HHAT: variants seen among roughly 807,000 people sequenced by gnomAD.
HHAT encodes hedgehog acyltransferase, also known as protein-cysteine N-palmitoyltransferase HHAT.
A neutral mutation model predicts 70.8 loss-of-function variants in HHAT; 47 were observed. The observed-to-expected ratio is 0.66, with a 90% CI of 0.53 to 0.85. HHAT has a LOEUF of 0.85. HHAT is among the 40% of genes least tolerant of loss of function. The pLI is 0.00. For synonymous variants in HHAT, 228 were observed against 247.6 expected (o/e 0.92, Z 0.74); for missense variants, 609 against 604.8 (o/e 1.01, Z -0.07).
rs567330115 is a variant in HHAT, at chr1:210,642,223, G to A, written c.1390+18553G>A. Among the ~76,000 whole-genome samples the A allele has an allele frequency of 3.9e-5, 6 of 152,324 alleles. No homozygotes were observed. The South Asian group carries it at 1.2e-3, about 32-fold the overall frequency. On this transcript the variant is annotated intron_variant, in intron 11 of 11. Transcript: ENST00000261458. ...TGTTTGAAAGATTTATCATTGTTAT[G>A]TATAGCAATAGTTCATTCATTTTCA...
At chr1:210,331,251 G>C (rs1363387335) in intron 1 of HHAT, among the ~76,000 whole-genome samples, 1 of 152,018 alleles carries the variant, frequency 6.6e-6, no homozygotes, top group African/African-American at 2.4e-5. Flanking sequence ...GTCCCATCTG[G>C]GGGGGTGTGT....
chr1:210,620,510 A>T (rs1394314853), intron 10 of HHAT, among the ~76,000 whole-genome samples: 1 of 151,760 alleles, frequency 6.6e-6, no homozygotes, highest in Non-Finnish European at 1.5e-5. Flanking sequence ...CTTTTTCCCC[A>T]CTGTTTCACT....
intron 11 of HHAT, among the ~76,000 whole-genome samples, chr1:210,648,483 T>C (rs1477361453): frequency 6.6e-6 from 1 of 152,190 alleles, no homozygotes; most frequent in Non-Finnish European, 1.5e-5. Flanking sequence ...CAAGGTTCTT[T>C]CCGTCTTTGC....
chr1:210,633,416 G>C (rs974313185), intron 11 of HHAT, among the ~76,000 whole-genome samples: 1 of 152,192 alleles, frequency 6.6e-6, no homozygotes, highest in Admixed American at 6.5e-5. Context: ...GAGGGCCCTG[G>C]GAGGTGAGAA....
At chr1:210,450,828 G>C (rs559197607) in intron 7 of HHAT, among the ~76,000 whole-genome samples, 1 of 152,152 alleles carries the variant, frequency 6.6e-6, no homozygotes, top group East Asian at 1.9e-4. Context: ...ATGGGATAGG[G>C]TGGTGTTAAG....
chr1:210,471,356 T>C (rs2094201199), intron 8 of HHAT, among the ~76,000 whole-genome samples: 1 of 152,104 alleles, frequency 6.6e-6, no homozygotes, highest in Non-Finnish European at 1.5e-5. Context: ...TGTTTGCCTT[T>C]CTTACTTTAT....
intron 11 of HHAT, among the ~76,000 whole-genome samples, chr1:210,645,576 C>G (rs574475545): frequency 6.6e-6 from 1 of 152,280 alleles, no homozygotes; most frequent in South Asian, 2.1e-4. Flanking sequence ...AGTTGATATA[C>G]CTGTGCAGTT....
intron 8 of HHAT, among the ~76,000 whole-genome samples, chr1:210,506,275 A>G (rs1001338904): frequency 6.6e-6 from 1 of 152,162 alleles, no homozygotes; most frequent in Non-Finnish European, 1.5e-5. Context: ...GCTAATGGTA[A>G]TCAGACAGGA....
At chr1:210,392,437 T>C (rs932900338) in intron 4 of HHAT, among the ~76,000 whole-genome samples, 5 of 152,154 alleles carry the variant, frequency 3.3e-5, no homozygotes, top group Non-Finnish European at 5.9e-5. Context: ...ATAATTTTTT[T>C]CCCTGATCAT....
chr1:210,349,152 G>A, intron 2 of HHAT, 86 bp downstream of exon 2: 1 of 1,377,850 alleles, frequency 7.3e-7, no homozygotes, highest in South Asian at 1.3e-5. Flanking sequence ...TCAAGAAGAT[G>A]ATCCAATAGT....
At chr1:210,422,003 A>G (rs575075050) in intron 7 of HHAT, among the ~76,000 whole-genome samples, 1 of 152,178 alleles carries the variant, frequency 6.6e-6, no homozygotes, top group Non-Finnish European at 1.5e-5. Context: ...TGGGTCTTTC[A>G]AAAATAATTA....
At chr1:210,542,144 T>C (rs2095436603) in intron 9 of HHAT, among the ~76,000 whole-genome samples, 1 of 152,220 alleles carries the variant, frequency 6.6e-6, no homozygotes, top group African/African-American at 2.4e-5. Flanking sequence ...TGTTTCAAGA[T>C]GAGAGACAGG....
intron 8 of HHAT, among the ~76,000 whole-genome samples, chr1:210,500,988 C>T (rs2094741716): frequency 6.6e-6 from 1 of 152,210 alleles, no homozygotes. Flanking sequence ...GAAGCCCTTC[C>T]TGCGCGCCTC....
chr1:210,347,550 C>G (rs1038561214), intron 1 of HHAT, among the ~76,000 whole-genome samples: 2 of 152,184 alleles, frequency 1.3e-5, no homozygotes, highest in Non-Finnish European at 2.9e-5. Context: ...TTAGTGAACT[C>G]TTTGTTACTT....
At chr1:210,600,960 G>A (rs1359055565) in intron 10 of HHAT, among the ~76,000 whole-genome samples, 2 of 151,940 alleles carry the variant, frequency 1.3e-5, no homozygotes, top group Admixed American at 1.3e-4. Context: ...CCCCAAGAGT[G>A]TCCTGCTGAG....
chr1:210,511,904 T>C (rs936816050), intron 8 of HHAT, among the ~76,000 whole-genome samples: 25 of 150,812 alleles, frequency 1.7e-4, no homozygotes, highest in Non-Finnish European at 5.9e-5. Context: ...ATTCTCCTGC[T>C]TCAGCCTCCT....
At chr1:210,334,669 CTTTTTATT>C (rs546275379) in intron 1 of HHAT, among the ~76,000 whole-genome samples, 91 of 151,288 alleles carry the variant, frequency 6.0e-4, no homozygotes, top group African/African-American at 2.1e-3. Context: ...TACACCCTAC[CTTTTTATT>C]TTTTTATTTT....
At chr1:210,489,599 C>T (rs1382381801) in intron 8 of HHAT, among the ~76,000 whole-genome samples, 1 of 152,158 alleles carries the variant, frequency 6.6e-6, no homozygotes, top group Non-Finnish European at 1.5e-5. Flanking sequence ...CTCTTTTGGT[C>T]ATGTTCTCTT....
At chr1:210,644,725 A>G (rs895873792) in intron 11 of HHAT, among the ~76,000 whole-genome samples, 2 of 152,088 alleles carry the variant, frequency 1.3e-5, no homozygotes, top group Non-Finnish European at 2.9e-5. Context: ...TCTTTTGGAA[A>G]TTTATGGTAT....
Sources: allele counts gnomAD v4.1 joint callset (sites outside exome capture counted in the v4.1 genomes callset), GRCh38; gene constraint gnomAD v4.1.1; transcripts MANE v1.5; gene names NCBI Gene and HGNC (gene_info 2026-07-23, HGNC 2026-07-21).